Variants in GRIA2 observed in about 807,000 individuals in gnomAD.
GRIA2 encodes glutamate ionotropic receptor AMPA type subunit 2, also known as glutamate receptor 2.
GRIA2 carries 14 observed loss-of-function variants against 97.3 expected under a neutral mutation model. The observed-to-expected ratio is 0.14, with a 90% confidence interval of 0.10 to 0.23. GRIA2 has a LOEUF of 0.23. Among genes scored for constraint, GRIA2 ranks in the 10% least tolerant of loss-of-function variants. The pLI is 1.00. For missense variants in GRIA2, 558 were observed against 1,069.8 expected (o/e 0.52, Z 6.67); for synonymous variants, 412 against 387.8 (o/e 1.06, Z -0.73).
At position 157,361,640 on chromosome 4, in the gene GRIA2, C is replaced by T. The variant is rs1213445904; in HGVS notation, c.2406+516C>T. The T allele has an allele frequency of 2.4e-5, 38 of 1,608,558 alleles. No homozygotes were observed. Among genetic ancestry groups the T allele is most frequent in the Non-Finnish European group, 3.1e-5 (37 of 1,175,354 alleles). On this transcript the variant is annotated intron_variant, in intron 14 of 15. Transcript: ENST00000264426. The surrounding 1 kb of genome is among the most constrained non-coding windows in gnomAD (Gnocchi z 5.2). ...ATAAAGGTGAATGTGGAGCCAAGGA[C>T]TCTGGAAGTAAGGTCAGTTGCTGCA...
intron 2 of GRIA2, among the ~76,000 whole-genome samples, chr4:157,238,923 TC>T: frequency 6.6e-6 from 1 of 152,190 alleles, no homozygotes; most frequent in East Asian, 1.9e-4. Flanking sequence ...AAATAGTTTT[TC>T]ATATTTATTA....
chr4:157,317,917 A>C (rs1734396463), intron 5 of GRIA2, among the ~76,000 whole-genome samples: 1 of 152,096 alleles, frequency 6.6e-6, no homozygotes, highest in South Asian at 2.1e-4. Context: ...CGGAGGTTGC[A>C]GTGAGCTGAG....
intron 2 of GRIA2, among the ~76,000 whole-genome samples, chr4:157,279,975 A>G (rs988339434): frequency 5.9e-5 from 9 of 152,210 alleles, no homozygotes; most frequent in African/African-American, 2.2e-4. Flanking sequence ...AAATACAAAA[A>G]TCAGCCGGGC....
At chr4:157,298,610 G>GTTTT (rs1733464195) in intron 2 of GRIA2, among the ~76,000 whole-genome samples, 3 of 68,166 alleles carry the variant, frequency 4.4e-5, no homozygotes, top group African/African-American at 6.2e-5. Context: ...TTGAAGCTAA[G>GTTTT]CTTTTTTTTT....
At chr4:157,221,354 A>C (rs1010988877) in intron 1 of GRIA2, 1 of 561,568 alleles carries the variant, frequency 1.8e-6, no homozygotes, top group Non-Finnish European at 3.1e-6. Flanking sequence ...CGGATCCCCA[A>C]ATTTTATTAA....
At chr4:157,360,672 CT>C in intron 13 of GRIA2, 3 of 479,762 alleles carry the variant, frequency 6.3e-6, no homozygotes, top group South Asian at 4.7e-5. Context: ...GTAGTTAACT[CT>C]TTGTATTCCT....
chr4:157,288,610 G>T (rs1361436296), intron 2 of GRIA2, among the ~76,000 whole-genome samples: 2 of 151,574 alleles, frequency 1.3e-5, no homozygotes, highest in African/African-American at 2.4e-5. Flanking sequence ...AAATTATCTT[G>T]TGTATACTTT....
chr4:157,337,611 A>G (rs1435251926), intron 11 of GRIA2, among the ~76,000 whole-genome samples: 2 of 152,026 alleles, frequency 1.3e-5, no homozygotes, highest in Non-Finnish European at 2.9e-5. Context: ...CTTCGATTTT[A>G]CAGGATATCT....
chr4:157,298,641 G>C (rs1282778205), intron 2 of GRIA2, among the ~76,000 whole-genome samples: 1 of 69,056 alleles, frequency 1.4e-5, no homozygotes, highest in Non-Finnish European at 2.7e-5. Flanking sequence ...TTTTTTTTGA[G>C]AGAGAACTAT....
At chr4:157,324,138 C>G (rs775656469) in intron 6 of GRIA2, among the ~76,000 whole-genome samples, 1 of 152,086 alleles carries the variant, frequency 6.6e-6, no homozygotes, top group Non-Finnish European at 1.5e-5. Flanking sequence ...TTTTCCCAGC[C>G]ATTTCCTAAA....
intron 2 of GRIA2, among the ~76,000 whole-genome samples, chr4:157,227,463 T>C (rs1729800452): frequency 6.6e-6 from 1 of 152,224 alleles, no homozygotes; most frequent in Admixed American, 6.5e-5. Context: ...TTTTTCTCTC[T>C]TCCTCCTCTT....
intron 12 of GRIA2, among the ~76,000 whole-genome samples, chr4:157,356,157 TTA>T (rs1431917510): frequency 1.5e-5 from 2 of 131,954 alleles, no homozygotes; most frequent in Non-Finnish European, 3.1e-5. Flanking sequence ...ATTTATTTAT[TTA>T]TATATATTTA....
intron 2 of GRIA2, among the ~76,000 whole-genome samples, chr4:157,285,860 T>C (rs1477471364): frequency 6.6e-6 from 1 of 151,522 alleles, no homozygotes; most frequent in African/African-American, 2.4e-5. Context: ...GTTCCAGCTT[T>C]GTGTTAATTC....
Position 157,259,534 on chromosome 4 carries a change from T to C in GRIA2, c.229+37727T>C, listed in dbSNP as rs1731432745. On this transcript the variant is annotated intron_variant, in intron 2 of 15. Transcript: ENST00000264426. Reference sequence around the variant, plus strand: ...GGCCATTTTATGTTCACAGATGATATGAACTTTAGGGTACATTCATCCTGT... The same window carrying C: ...GGCCATTTTATGTTCACAGATGATACGAACTTTAGGGTACATTCATCCTGT... Among the ~76,000 whole-genome samples the C allele has an allele frequency of 3.3e-5, 5 of 152,142 alleles. No individual in the cohort carries two copies. In the South Asian group the frequency reaches 8.3e-4, roughly 25 times the overall value.
chr4:157,348,258 T>G (rs1735850179), intron 12 of GRIA2, among the ~76,000 whole-genome samples: 1 of 152,192 alleles, frequency 6.6e-6, no homozygotes, highest in South Asian at 2.1e-4. Context: ...AATGATCTTT[T>G]GTTTGTTTCT....
chr4:157,343,355 T>C (rs560576821), intron 12 of GRIA2, among the ~76,000 whole-genome samples: 76 of 152,194 alleles, frequency 5.0e-4, no homozygotes, highest in African/African-American at 1.8e-3. Flanking sequence ...AGCTCAGATA[T>C]TTTGGGGTAT....
intron 2 of GRIA2, among the ~76,000 whole-genome samples, chr4:157,276,137 G>A (rs577663546): frequency 5.9e-5 from 9 of 152,170 alleles, no homozygotes; most frequent in Admixed American, 5.9e-4. Flanking sequence ...TTGTAAATGG[G>A]AGTTCACTCA....
At chr4:157,339,802 T>C (rs1362940806) in intron 11 of GRIA2, among the ~76,000 whole-genome samples, 1 of 151,942 alleles carries the variant, frequency 6.6e-6, no homozygotes. Context: ...TTCCCATTGA[T>C]ATTGGATAAA....
intron 2 of GRIA2, among the ~76,000 whole-genome samples, chr4:157,262,779 G>A (rs1731602355): frequency 6.6e-6 from 1 of 151,900 alleles, no homozygotes; most frequent in Admixed American, 6.6e-5. Context: ...AACCCCTAAA[G>A]AAAGGGGCAG....
Sources: allele counts gnomAD v4.1 joint callset (sites outside exome capture counted in the v4.1 genomes callset), GRCh38; gene constraint gnomAD v4.1.1; non-coding constraint Gnocchi (gnomAD v3.1); transcripts MANE v1.5; gene names NCBI Gene and HGNC (gene_info 2026-07-23, HGNC 2026-07-21).